Variants in PTPN3 observed in about 807,000 individuals in gnomAD.
PTPN3 encodes the protein protein tyrosine phosphatase non-receptor type 3, also known as tyrosine-protein phosphatase non-receptor type 3.
A neutral mutation model predicts 132.7 loss-of-function variants in PTPN3; 96 were observed. That is an observed-to-expected ratio of 0.72 (90% CI 0.61 to 0.86). The LOEUF is 0.86. PTPN3 is among the 40% of genes least tolerant of loss of function. PTPN3 has a pLI of 0.00. For synonymous variants in PTPN3, 398 were observed against 429.0 expected (o/e 0.93, Z 0.89); for missense variants, 1,125 against 1,159.6 (o/e 0.97, Z 0.43).
At chr9:109,417,689 C>A in intron 14 of PTPN3, 1 of 985,324 alleles carries the variant, frequency 1.0e-6, no homozygotes, top group Non-Finnish European at 1.2e-6. Flanking sequence ...TCCCACCTAA[C>A]AGAGGTGGTG....
intron 17 of PTPN3, among the ~76,000 whole-genome samples, chr9:109,407,380 C>T (rs1841652939): frequency 6.6e-6 from 1 of 151,914 alleles, no homozygotes; most frequent in South Asian, 2.1e-4. Context: ...GAGACCCTGT[C>T]TCTTAAAAAA....
chr9:109,399,579 A>C (rs1328102650), intron 19 of PTPN3, among the ~76,000 whole-genome samples: 1 of 152,026 alleles, frequency 6.6e-6, no homozygotes, highest in Non-Finnish European at 1.5e-5. Context: ...GCTGGGACCA[A>C]ATGCTTTCTG....
chr9:109,389,247 TGA>T lies in PTPN3; in HGVS notation c.2237_2238del (p.Leu746HisfsTer65). 6.2e-7 allele frequency: 1 copy of T among 1,614,160 alleles called. No individual in the cohort carries two copies. The highest frequency in any genetic ancestry group is 8.5e-7 in the Non-Finnish European group (1 of 1,180,022). ...AAGCTACTTACCCGCCCTCGTTCTG[TGA>T]GAGTCGTCAACATGACAATGAGTGA... ...KLSLIVMLTT[L>X]TERGRTKCHQ... On this transcript the variant is annotated frameshift_variant, in exon 22 of 26. Coordinates refer to ENST00000374541, the MANE Select transcript of PTPN3 (RefSeq NM_002829.4). LOFTEE classifies it high-confidence loss of function.
intron 1 of PTPN3, among the ~76,000 whole-genome samples, chr9:109,478,847 C>T (rs1192979771): frequency 6.6e-6 from 1 of 152,226 alleles, no homozygotes; most frequent in Non-Finnish European, 1.5e-5. Context: ...GGGGACCAGG[C>T]TTCGCCCATG....
intron 19 of PTPN3, 94 bp downstream of exon 19, chr9:109,404,354 G>T: frequency 1.1e-6 from 1 of 943,296 alleles, no homozygotes; most frequent in Non-Finnish European, 1.5e-6. Flanking sequence ...GGAAACAAGG[G>T]CTTGTGTCTC....
intron 18 of PTPN3, among the ~76,000 whole-genome samples, chr9:109,406,161 G>A (rs1266269619): frequency 6.6e-6 from 1 of 152,214 alleles, no homozygotes; most frequent in Non-Finnish European, 1.5e-5. Flanking sequence ...CTTAGAGAGT[G>A]CGTGATGTGG....
intron 23 of PTPN3, 150 bp from the exon 24 acceptor site, chr9:109,382,597 TC>T: frequency 1.2e-6 from 1 of 818,614 alleles, no homozygotes. Context: ...CTCCCCTCCT[TC>T]CCCAAAGATC....
At chr9:109,465,102 T>C (rs1846031520) in intron 1 of PTPN3, among the ~76,000 whole-genome samples, 1 of 152,240 alleles carries the variant, frequency 6.6e-6, no homozygotes, top group Admixed American at 6.5e-5. Context: ...AAAGAGAGTA[T>C]AATATTTATG....
At chr9:109,462,848 C>T (rs887250989) in intron 2 of PTPN3, among the ~76,000 whole-genome samples, 2 of 151,986 alleles carry the variant, frequency 1.3e-5, no homozygotes, top group African/African-American at 4.8e-5. Flanking sequence ...AAACAACACC[C>T]TTTCTATTCT....
At position 109,378,893 on chromosome 9, in the gene PTPN3, T is replaced by C. The variant is rs1838787093; in HGVS notation, c.*663A>G. On this transcript the variant is annotated 3_prime_UTR_variant, in exon 26 of 26. Transcript: ENST00000374541. The stretch of plus-strand genomic sequence containing the variant: ...AGCCTCAGCTGAAAATTCACCTGAA[T>C]GCACATTACTAATCCAGGTTAGGCA... 1 of 152,534 alleles carries C rather than the reference T, an allele frequency of 6.6e-6. No individual in the cohort carries two copies. The highest frequency in any genetic ancestry group is 1.5e-5 in the Non-Finnish European group (1 of 68,064). The allele number at this position is 152,534 out of a possible 1,614,324, so 9.4% of individuals were successfully genotyped here.
intron 4 of PTPN3, among the ~76,000 whole-genome samples, chr9:109,456,100 G>A (rs1430645543): frequency 2.6e-5 from 4 of 152,230 alleles, no homozygotes; most frequent in Non-Finnish European, 5.9e-5. Context: ...AGTGAGACGG[G>A]AGCGAAGGCC....
Position 109,427,039 on chromosome 9 carries a change from G to C in PTPN3, c.912C>G (p.His304Gln). The C allele has an allele frequency of 6.2e-7, 1 of 1,613,800 alleles. No individual in the cohort carries two copies. Among genetic ancestry groups the C allele is most frequent in the Non-Finnish European group, 8.5e-7 (1 of 1,179,704 alleles). ...GCTTCTTTGCCTGAAAGAACGTATG[G>C]TGCTCAACACAGGATTTCCACAAGT... ...CKNLWKSCVE[H>Q]HTFFQAKKLL... is the part of the protein sequence containing the mutation. The change falls in exon 12 of 26, where the codon CAC (histidine) becomes CAG (glutamine). Residue 304 changes from histidine to glutamine, a missense_variant. Physicochemically the swap from His to Gln is conservative, Grantham distance 24 (BLOSUM62 0). Coordinates refer to ENST00000374541, the MANE Select transcript of PTPN3 (RefSeq NM_002829.4).
At chr9:109,433,367 C>T (rs962510798) in intron 9 of PTPN3, among the ~76,000 whole-genome samples, 2 of 152,196 alleles carry the variant, frequency 1.3e-5, no homozygotes, top group Admixed American at 6.5e-5. Flanking sequence ...TGAACACAGC[C>T]TGTCAAGCAA....
chr9:109,411,414 C>G (rs760546126), intron 14 of PTPN3, among the ~76,000 whole-genome samples: 2 of 152,172 alleles, frequency 1.3e-5, no homozygotes, highest in Non-Finnish European at 2.9e-5. Flanking sequence ...TCTAACCCCT[C>G]AGAGTCACAG....
At chr9:109,505,610 TAAC>T in the PTPN3 span, among the ~76,000 whole-genome samples, 3 of 152,136 alleles carry the variant, frequency 2.0e-5, no homozygotes, top group African/African-American at 7.2e-5. Flanking sequence ...AAAGTTTTAT[TAAC>T]TTCTGTCCTA....
the PTPN3 span, among the ~76,000 whole-genome samples, chr9:109,529,179 T>C: frequency 2.6e-5 from 4 of 152,306 alleles, no homozygotes; most frequent in Admixed American, 2.6e-4. Flanking sequence ...CTGCTCTCTG[T>C]CTCTCATGAC....
upstream of PTPN3, among the ~76,000 whole-genome samples, chr9:109,501,879 T>C (rs561524597): frequency 6.6e-6 from 1 of 152,322 alleles, no homozygotes; most frequent in East Asian, 1.9e-4. Flanking sequence ...AGAGAGCTGA[T>C]AGTCCTGATG....
chr9:109,379,752 C>A, intron 25 of PTPN3, 119 bp from the exon 26 acceptor site: 1 of 844,576 alleles, frequency 1.2e-6, no homozygotes. Flanking sequence ...AACTCTGGGC[C>A]ACAGGCCAGG....
intron 7 of PTPN3, among the ~76,000 whole-genome samples, chr9:109,443,409 C>T (rs1163077454): frequency 6.6e-6 from 1 of 152,102 alleles, no homozygotes; most frequent in African/African-American, 2.4e-5. Context: ...CAGGGTCCTA[C>T]TATAATACCC....
Sources: allele counts gnomAD v4.1 joint callset (sites outside exome capture counted in the v4.1 genomes callset), GRCh38; gene constraint gnomAD v4.1.1; transcripts MANE v1.5; gene names NCBI Gene and HGNC (gene_info 2026-07-23, HGNC 2026-07-21).